The following BOP1 variants were observed in gnomAD, a reference collection of about 807,000 sequenced individuals.
BOP1 encodes BOP1 ribosomal biogenesis factor, also known as ribosome biogenesis protein BOP1.
A neutral mutation model predicts 82.9 loss-of-function variants in BOP1; 54 were observed. That is an observed-to-expected ratio of 0.65 (90% CI 0.52 to 0.82). BOP1 has a LOEUF of 0.82. BOP1 is among the 40% of genes least tolerant of loss of function. The pLI is 0.00. For missense variants in BOP1, 1,170 were observed against 1,072.0 expected (o/e 1.09, Z -1.28); for synonymous variants, 566 against 451.1 (o/e 1.25, Z -3.23).
In BOP1 at chr8:144,264,287, C is replaced by T; in HGVS notation, c.916G>A (p.Ala306Thr). 2 of 1,611,028 alleles carry T rather than the reference C, an allele frequency of 1.2e-6. No homozygotes were observed. The highest frequency in any genetic ancestry group is 1.7e-6 in the Non-Finnish European group (2 of 1,179,518). Residue 306 changes from alanine to threonine, a missense_variant, in exon 7 of 16, where the codon GCC becomes ACC. Transcript: ENST00000569669. ...TACGACTCGGCGTGGCCTGGCAGGG[C>T]CAGCTTGGGAGCAGGTACGTGCATC... ...HKMHVPAPKL[A>T]LPGHAESYNP...
At chr8:144,266,002 G>A (rs972445409) in intron 3 of BOP1, 23 of 152,454 alleles carry the variant, frequency 1.5e-4, no homozygotes, top group Admixed American at 1.4e-3. Flanking sequence ...CAGACAGGCG[G>A]AGAGACTGAG....
intron 3 of BOP1, among the ~76,000 whole-genome samples, chr8:144,274,340 C>T (rs1845537926): frequency 6.6e-6 from 1 of 152,170 alleles, no homozygotes; most frequent in Admixed American, 6.5e-5. Context: ...TCCAAGGACA[C>T]GGGGCTGCCT....
Position 144,263,855 on chromosome 8 carries a change from C to A in BOP1, c.1197G>T (p.Gln399His). 6.2e-7 allele frequency: 1 copy of A among 1,611,472 alleles called. No individual in the cohort carries two copies. Among genetic ancestry groups the A allele is most frequent in the Middle Eastern group, 2.1e-4 (1 of 4,852 alleles). The stretch of plus-strand genomic sequence containing the variant: ...CCAGGGCCTGGCACGTGGGGAAGGG[C>A]TGCAGGTCCCTCGGCCGAGGCAGCT... ...IPKLPRPRDL[Q>H]PFPTCQALVY... The change falls in exon 9 of 16, where the codon CAG becomes CAT. Residue 399 changes from glutamine (Q) to histidine (H), a missense_variant. Coordinates refer to ENST00000569669, the MANE Select transcript of BOP1 (RefSeq NM_015201.5).
At chr8:144,277,815 G>A (rs1046221607) in intron 2 of BOP1, among the ~76,000 whole-genome samples, 12 of 152,332 alleles carry the variant, frequency 7.9e-5, no homozygotes, top group South Asian at 2.1e-4. Flanking sequence ...GGGCAGGGGC[G>A]GTGCGGGCAG....
chr8:144,278,764 C>T (rs890931605), intron 2 of BOP1, among the ~76,000 whole-genome samples: 3 of 152,212 alleles, frequency 2.0e-5, no homozygotes, highest in East Asian at 1.9e-4. Context: ...GCCCTGCCCA[C>T]GCTAGCCGCA....
In BOP1 at chr8:144,263,914, G is replaced by A. The variant is rs977047968; in HGVS notation, c.1141-3C>T. The A allele has an allele frequency of 3.7e-6, 6 of 1,611,218 alleles. No individual in the cohort carries two copies. The African/African-American group carries it at 6.7e-5, about 18-fold the overall frequency. ...AGGTCCTCAGGGTCTACATTCACCT[G>A]GGGCAGGAGAGCGCCAGGTCAGCCT... On this transcript the variant is annotated splice_region_variant and splice_polypyrimidine_tract_variant and intron_variant, in intron 8 of 15. Transcript: ENST00000569669.
Position 144,274,898 on chromosome 8 carries a change from A to G in BOP1, c.390+1326T>C, listed in dbSNP as rs1193415031. Among the ~76,000 whole-genome samples, 6 of 152,356 alleles carry G rather than the reference A, an allele frequency of 3.9e-5. No individual in the cohort carries two copies. The East Asian group carries it at 1.2e-3, about 29-fold the overall frequency. On this transcript the variant is annotated intron_variant, in intron 3 of 15. Transcript: ENST00000569669. ...AGTAGCCGACAGGATGTGGCTGCCG[A>G]CAGCCAGAGCCCCTGGGAGGGGGAG...
At chr8:144,266,325 G>C (rs1406362474) in intron 3 of BOP1, among the ~76,000 whole-genome samples, 3 of 143,790 alleles carry the variant, frequency 2.1e-5, no homozygotes, top group African/African-American at 7.8e-5. Flanking sequence ...CCCCGCCAAA[G>C]CGTGGCCACA....
rs984094886 is a variant in BOP1 at position 144,262,265 on chromosome 8, C to T, written c.2140G>A (p.Val714Met). The T allele has an allele frequency of 9.9e-5, 159 of 1,612,808 alleles. 3 individuals are homozygous for T. In the South Asian group the frequency reaches 1.6e-3, roughly 16 times the overall value. Reference protein sequence around the residue: ...LVPVKVLKGHVLTRDLGVLDV... With the variant: ...LVPVKVLKGHMLTRDLGVLDV... Reference sequence around the variant, plus strand: ...AGCACTCCCAGATCTCGGGTCAGCACGTGTCCCTTCAGCACCTTGACGGGC... The same window carrying T: ...AGCACTCCCAGATCTCGGGTCAGCATGTGTCCCTTCAGCACCTTGACGGGC... Residue 714 changes from valine to methionine, a missense_variant, in exon 16 of 16, where the codon GTG becomes ATG. By Grantham distance (21) the Val-to-Met change is conservative. Transcript: ENST00000569669.
At chr8:144,288,575 AATT>A (rs782522306) in intron 2 of BOP1, among the ~76,000 whole-genome samples, 1 of 152,242 alleles carries the variant, frequency 6.6e-6, no homozygotes, top group South Asian at 2.1e-4. Flanking sequence ...GTTTTAGTTA[AATT>A]ATGCTTTTCT....
intron 3 of BOP1, chr8:144,265,824 G>C (rs2130204109): frequency 6.5e-6 from 1 of 153,514 alleles, no homozygotes. Context: ...GATAATGGGG[G>C]TATGTGTGTG....
chr8:144,274,252 C>A (rs1845537028), intron 3 of BOP1, among the ~76,000 whole-genome samples: 1 of 152,184 alleles, frequency 6.6e-6, no homozygotes, highest in Non-Finnish European at 1.5e-5. Context: ...CTGAAGGGCC[C>A]CGGCAGTGAG....
chr8:144,262,537 G>C (rs1185960601), intron 14 of BOP1, 34 bp from the exon 15 acceptor site: 4 of 1,612,864 alleles, frequency 2.5e-6, no homozygotes, highest in Non-Finnish European at 3.4e-6. Context: ...AGGCAGGCTC[G>C]GGCTGAAGGG....
In BOP1 at chr8:144,262,706, C is replaced by T. The variant is rs1249456599; in HGVS notation, c.1895-34G>A. On this transcript the variant is annotated intron_variant, in intron 13 of 15. Transcript: ENST00000569669. ...AAAGGCTGTGATGCAGGTGTTCCCGCTCTCACCTGCAGGGTGCACTGCCCT... is the reference window on the plus strand; with the variant it reads ...AAAGGCTGTGATGCAGGTGTTCCCGTTCTCACCTGCAGGGTGCACTGCCCT... 5 of 1,609,506 alleles carry T rather than the reference C, an allele frequency of 3.1e-6. No homozygotes were observed. The African/African-American group carries it at 4.0e-5, about 13-fold the overall frequency.
At chr8:144,288,808 A>T (rs1814955548) in intron 2 of BOP1, among the ~76,000 whole-genome samples, 1 of 152,096 alleles carries the variant, frequency 6.6e-6, no homozygotes, top group Non-Finnish European at 1.5e-5. Flanking sequence ...AAGCAGTAAA[A>T]TCCCCACCTC....
chr8:144,282,989 G>C (rs1314806249), intron 2 of BOP1, among the ~76,000 whole-genome samples: 2 of 150,262 alleles, frequency 1.3e-5, no homozygotes, highest in African/African-American at 4.9e-5. Flanking sequence ...AGGAGTTCAA[G>C]ACCAGCCTGG....
intron 3 of BOP1, among the ~76,000 whole-genome samples, chr8:144,270,919 C>G (rs1390178469): frequency 6.6e-6 from 1 of 152,182 alleles, no homozygotes; most frequent in Non-Finnish European, 1.5e-5. Flanking sequence ...TGCTGGGCCT[C>G]AGCTGTCAGC....
chr8:144,276,920 C>G (rs1845575507), intron 2 of BOP1, among the ~76,000 whole-genome samples: 1 of 152,222 alleles, frequency 6.6e-6, no homozygotes, highest in Non-Finnish European at 1.5e-5. Context: ...GTTCTCCCAC[C>G]CACCACGTCC....
intron 2 of BOP1, among the ~76,000 whole-genome samples, chr8:144,284,925 C>CCCTTGGCAGGTCGCG (rs1564603350): frequency 6.6e-6 from 1 of 152,024 alleles, no homozygotes; most frequent in East Asian, 1.9e-4. Flanking sequence ...GGCAGGTCGC[C>CCCTTGGCAGGTCGCG]AGGTCTCCAC....
Sources: allele counts gnomAD v4.1 joint callset (sites outside exome capture counted in the v4.1 genomes callset), GRCh38; gene constraint gnomAD v4.1.1; transcripts MANE v1.5; gene names NCBI Gene and HGNC (gene_info 2026-07-23, HGNC 2026-07-21).